The following ZSWIM6 variants were observed in gnomAD, a reference collection of about 807,000 sequenced individuals.
ZSWIM6 encodes the protein zinc finger SWIM-type containing 6, also known as zinc finger SWIM domain-containing protein 6.
Under a neutral mutation model 113.2 loss-of-function variants are expected in ZSWIM6, and 9 were observed. The observed-to-expected ratio is 0.08, with a 90% confidence interval of 0.05 to 0.14. The LOEUF (loss-of-function observed/expected upper bound fraction) is 0.14, where lower values mean the gene tolerates loss of function less well. Among genes scored for constraint, ZSWIM6 ranks in the 10% least tolerant of loss-of-function variants. ZSWIM6 has a pLI of 1.00. For synonymous variants in ZSWIM6, 611 were observed against 606.5 expected (o/e 1.01, Z -0.11); for missense variants, 1,162 against 1,552.2 (o/e 0.75, Z 4.22).
chr5:61,536,913 AC>A (rs1749590886), intron 10 of ZSWIM6, among the ~76,000 whole-genome samples: 1 of 152,198 alleles, frequency 6.6e-6, no homozygotes, highest in East Asian at 1.9e-4. Context: ...ATTACATTAT[AC>A]CACTTGGTTT....
intron 4 of ZSWIM6, among the ~76,000 whole-genome samples, chr5:61,498,697 C>T (rs1326777812): frequency 3.3e-5 from 5 of 152,128 alleles, no homozygotes; most frequent in Non-Finnish European, 7.4e-5. Flanking sequence ...AATGCTGTTC[C>T]ATCTTCCATC....
chr5:61,521,542 AACT>A, intron 5 of ZSWIM6, 100 bp downstream of exon 5: 1 of 973,420 alleles, frequency 1.0e-6, no homozygotes, highest in Non-Finnish European at 1.4e-6. Context: ...TGATTTTACC[AACT>A]TAAGAACTTA....
intron 1 of ZSWIM6, among the ~76,000 whole-genome samples, chr5:61,469,403 A>G (rs1202032738): frequency 6.6e-6 from 1 of 152,230 alleles, no homozygotes; most frequent in African/African-American, 2.4e-5. Flanking sequence ...TGATCTCAGA[A>G]TAATGAGTGT....
intron 1 of ZSWIM6, among the ~76,000 whole-genome samples, chr5:61,433,181 G>A (rs1167255765): frequency 4.6e-5 from 7 of 152,128 alleles, no homozygotes; most frequent in Admixed American, 3.9e-4. Flanking sequence ...TATGGAGTAC[G>A]TTTGGCTTAC....
intron 1 of ZSWIM6, among the ~76,000 whole-genome samples, chr5:61,421,775 G>A (rs1452719578): frequency 6.6e-6 from 1 of 152,206 alleles, no homozygotes; most frequent in East Asian, 1.9e-4. Flanking sequence ...ATAGTGGCCT[G>A]TAAGTCCATC....
At chr5:61,456,644 G>A (rs925687240) in intron 1 of ZSWIM6, among the ~76,000 whole-genome samples, 3 of 152,200 alleles carry the variant, frequency 2.0e-5, no homozygotes, top group Non-Finnish European at 4.4e-5. Context: ...ATAGCAGAGT[G>A]AAGGATAAGG....
chr5:61,360,550 T>A (rs912430769), intron 1 of ZSWIM6, among the ~76,000 whole-genome samples: 1 of 152,244 alleles, frequency 6.6e-6, no homozygotes, highest in African/African-American at 2.4e-5. Flanking sequence ...TGCTCTTATC[T>A]CCTACTTTTT....
intron 1 of ZSWIM6, among the ~76,000 whole-genome samples, chr5:61,370,915 T>C (rs1745249192): frequency 6.6e-6 from 1 of 152,244 alleles, no homozygotes; most frequent in Admixed American, 6.5e-5. Context: ...TTAAGTATTT[T>C]CCCATATGTT....
chr5:61,376,069 G>T (rs1231433970), intron 1 of ZSWIM6, among the ~76,000 whole-genome samples: 1 of 87,638 alleles, frequency 1.1e-5, no homozygotes, highest in Non-Finnish European at 2.3e-5. Flanking sequence ...TCCAGTGCTT[G>T]ATAACTCTGG....
intron 1 of ZSWIM6, among the ~76,000 whole-genome samples, chr5:61,411,999 T>A (rs181494963): frequency 1.3e-5 from 2 of 152,206 alleles, no homozygotes; most frequent in Non-Finnish European, 2.9e-5. Flanking sequence ...AAATAACCAA[T>A]GTAACCACAA....
intron 1 of ZSWIM6, among the ~76,000 whole-genome samples, chr5:61,387,579 T>C (rs1196349223): frequency 6.6e-6 from 1 of 152,070 alleles, no homozygotes; most frequent in East Asian, 1.9e-4. Flanking sequence ...GGTAGGAGGA[T>C]TGCCAACTTG....
intron 1 of ZSWIM6, among the ~76,000 whole-genome samples, chr5:61,396,216 A>G (rs1266316741): frequency 6.6e-6 from 1 of 152,106 alleles, no homozygotes; most frequent in Admixed American, 6.5e-5. Flanking sequence ...AACCTTCCTG[A>G]CCATGCATAT....
intron 4 of ZSWIM6, among the ~76,000 whole-genome samples, chr5:61,517,303 C>T (rs558366159): frequency 2.0e-5 from 3 of 152,124 alleles, no homozygotes; most frequent in South Asian, 2.1e-4. Flanking sequence ...TTTTAAGGCT[C>T]GGCTCATTTA....
In ZSWIM6 at chr5:61,539,663, C is replaced by T. The variant is rs747970182; in HGVS notation, c.2607C>T (p.Ile869=). Residue 869 remains isoleucine (I), a synonymous_variant, in exon 12 of 14, where the codon ATC becomes ATT. Transcript: ENST00000252744. ...AAAACATTCACTCCTCATCACACAT[C>T]TTCAAGCTTGCCCAAGATGCATTTA... The part of the protein sequence containing the change: ...IQKNIHSSSH[I]FKLAQDAFKI... 7.1e-6 allele frequency: 11 copies of T among 1,551,880 alleles called. No individual in the cohort carries two copies.
intron 1 of ZSWIM6, among the ~76,000 whole-genome samples, chr5:61,451,395 G>A (rs1747085049): frequency 6.6e-6 from 1 of 152,080 alleles, no homozygotes; most frequent in Non-Finnish European, 1.5e-5. Context: ...TCTAAATTTT[G>A]AGGGCTTTTT....
chr5:61,337,509 G>T (rs1744428340), intron 1 of ZSWIM6, among the ~76,000 whole-genome samples: 1 of 152,208 alleles, frequency 6.6e-6, no homozygotes, highest in Admixed American at 6.5e-5. Context: ...GTATAGTGAT[G>T]CTCATTGCAG....
chr5:61,480,065 G>T (rs1747814334), intron 2 of ZSWIM6, among the ~76,000 whole-genome samples: 1 of 152,050 alleles, frequency 6.6e-6, no homozygotes. Context: ...TTATATTTGT[G>T]TACTGAGTAA....
At chr5:61,416,561 C>T (rs1221696980) in intron 1 of ZSWIM6, among the ~76,000 whole-genome samples, 1 of 152,176 alleles carries the variant, frequency 6.6e-6, no homozygotes, top group Non-Finnish European at 1.5e-5. Flanking sequence ...GCTTTTTAGC[C>T]AGGTGCTTAG....
At chr5:61,489,861 TG>T (rs1215508961) in intron 2 of ZSWIM6, among the ~76,000 whole-genome samples, 1 of 152,044 alleles carries the variant, frequency 6.6e-6, no homozygotes, top group African/African-American at 2.4e-5. Flanking sequence ...TAGTAGGCCT[TG>T]GTTCTAAGCA....
Sources: allele counts gnomAD v4.1 joint callset (sites outside exome capture counted in the v4.1 genomes callset), GRCh38; gene constraint gnomAD v4.1.1; transcripts MANE v1.5; gene names NCBI Gene and HGNC (gene_info 2026-07-23, HGNC 2026-07-21).